The following MAD1L1 variants were observed in gnomAD, a reference collection of about 807,000 sequenced individuals.
MAD1L1 encodes mitotic arrest deficient 1 like 1.
MAD1L1 carries 95 observed loss-of-function variants against 96.9 expected under a neutral mutation model. The observed-to-expected ratio is 0.98, with a 90% CI of 0.83 to 1.16. The LOEUF is 1.16. Among genes scored for constraint, MAD1L1 ranks in the 50% most tolerant of loss-of-function variants. The pLI is 0.00. For synonymous variants in MAD1L1, 473 were observed against 396.6 expected (o/e 1.19, Z -2.29); for missense variants, 1,007 against 954.4 (o/e 1.06, Z -0.73).
At chr7:1,819,412 C>A (rs190958651) in intron 18 of MAD1L1, among the ~76,000 whole-genome samples, 1 of 152,232 alleles carries the variant, frequency 6.6e-6, no homozygotes, top group African/African-American at 2.4e-5. Context: ...TGAAGACACT[C>A]GCGGCGTCCA....
At position 2,119,827 on chromosome 7, in the gene MAD1L1, T is replaced by C. The variant is rs1325331857; in HGVS notation, c.1073+29325A>G. On this transcript the variant is annotated intron_variant, in intron 11 of 18. Coordinates refer to ENST00000265854, the MANE Select transcript of MAD1L1 (RefSeq NM_001013836.2). The surrounding 1 kb of genome is among the most constrained non-coding windows in gnomAD (Gnocchi z 4.6). ...CGACAACTGTTCCAGACCCCTAGGCTCTTTCCTGCTGGCTCCTCGCTGGGG... is the reference window on the plus strand; with the variant it reads ...CGACAACTGTTCCAGACCCCTAGGCCCTTTCCTGCTGGCTCCTCGCTGGGG... 6.6e-6 allele frequency among the ~76,000 whole-genome samples: 1 copy of C among 152,114 alleles called. No individual in the cohort carries two copies. The highest frequency in any genetic ancestry group is 1.5e-5 in the Non-Finnish European group (1 of 68,006).
intron 18 of MAD1L1, among the ~76,000 whole-genome samples, chr7:1,878,212 G>C (rs1785484835): frequency 6.6e-6 from 1 of 151,834 alleles, no homozygotes; most frequent in South Asian, 2.1e-4. Flanking sequence ...GCCAAGCCCA[G>C]ATGACCTCAC....
chr7:2,216,011 A>G lies in MAD1L1; in HGVS notation c.810-12T>C. ...TCTCTCTCATCTCCCTGGCAGTGCC[A>G]CAAAGAGTCGCTCAAATAGCCACAC... On this transcript the variant is annotated splice_polypyrimidine_tract_variant and intron_variant, in intron 8 of 18. Transcript: ENST00000265854. 6.2e-7 allele frequency: 1 copy of G among 1,613,698 alleles called. No individual in the cohort carries two copies. The highest frequency in any genetic ancestry group is 8.5e-7 in the Non-Finnish European group (1 of 1,179,780).
At chr7:2,218,181 G>C in intron 6 of MAD1L1, 138 bp from the exon 7 acceptor site, 1 of 657,254 alleles carries the variant, frequency 1.5e-6, no homozygotes, top group Non-Finnish European at 2.7e-6. Flanking sequence ...CCACGGCACA[G>C]ACCCCCCGCC....
At chr7:1,958,038 G>A (rs1779802423) in intron 15 of MAD1L1, among the ~76,000 whole-genome samples, 2 of 152,206 alleles carry the variant, frequency 1.3e-5, no homozygotes, top group South Asian at 2.1e-4. Flanking sequence ...GAGTCAGTGT[G>A]TCCGTGTCCG....
intron 14 of MAD1L1, among the ~76,000 whole-genome samples, chr7:2,001,497 C>G (rs1047999802): frequency 1.3e-5 from 2 of 152,384 alleles, no homozygotes; most frequent in East Asian, 1.9e-4. Flanking sequence ...GCGGGCCCCC[C>G]ACCCAGGCTC....
intron 3 of MAD1L1, among the ~76,000 whole-genome samples, chr7:2,228,621 C>T (rs1417531182): frequency 6.7e-6 from 1 of 149,442 alleles, no homozygotes; most frequent in Non-Finnish European, 1.5e-5. Context: ...CATAATTTCA[C>T]AAAAGAACAT....
chr7:1,954,011 C>T (rs952585421), intron 16 of MAD1L1, among the ~76,000 whole-genome samples: 4 of 152,070 alleles, frequency 2.6e-5, no homozygotes, highest in African/African-American at 4.8e-5. Flanking sequence ...CTGTGAGCCC[C>T]GACTAGCCTC....
intron 18 of MAD1L1, among the ~76,000 whole-genome samples, chr7:1,888,433 GCTGC>G (rs1417331884): frequency 8.8e-6 from 1 of 113,570 alleles, no homozygotes; most frequent in East Asian, 2.5e-4. Context: ...CATGCATGTG[GCTGC>G]CTGTACATGT....
intron 18 of MAD1L1, among the ~76,000 whole-genome samples, chr7:1,863,373 C>T (rs988654528): frequency 6.6e-6 from 1 of 152,240 alleles, no homozygotes; most frequent in Admixed American, 6.5e-5. Context: ...TACCGGCAGG[C>T]CCGGGGCCAG....
intron 17 of MAD1L1, among the ~76,000 whole-genome samples, chr7:1,917,566 A>G (rs546506073): frequency 1.4e-3 from 209 of 152,360 alleles, no homozygotes; most frequent in Admixed American, 3.3e-3. Context: ...GTTTAAATGC[A>G]ACTGTGAAGA....
intron 14 of MAD1L1, among the ~76,000 whole-genome samples, chr7:1,987,796 C>T (rs921034560): frequency 5.3e-5 from 8 of 152,214 alleles, no homozygotes; most frequent in Non-Finnish European, 1.2e-4. Context: ...GGGCACAGGC[C>T]CGGGGCAGCA....
intron 18 of MAD1L1, among the ~76,000 whole-genome samples, chr7:1,871,861 G>T (rs1011022106): frequency 4.6e-5 from 7 of 152,226 alleles, no homozygotes; most frequent in African/African-American, 1.7e-4. Flanking sequence ...ATGTGGAGGG[G>T]ACATGGAGGG....
chr7:2,094,670 A>C (rs10261113), intron 11 of MAD1L1, among the ~76,000 whole-genome samples: 2 of 137,320 alleles, frequency 1.5e-5, no homozygotes, highest in African/African-American at 6.2e-5. Flanking sequence ...CTGGCAGGTG[A>C]GAAGGCCCCG....
intron 11 of MAD1L1, among the ~76,000 whole-genome samples, chr7:2,102,594 G>C (rs935320384): frequency 6.6e-6 from 1 of 150,564 alleles, no homozygotes; most frequent in Non-Finnish European, 1.5e-5. Context: ...CATCACCACT[G>C]TCACCATCGG....
intron 18 of MAD1L1, among the ~76,000 whole-genome samples, chr7:1,895,283 C>T (rs1341397249): frequency 6.6e-6 from 1 of 152,218 alleles, no homozygotes; most frequent in Non-Finnish European, 1.5e-5. Flanking sequence ...GTGCCAGGAA[C>T]ATGGCCCCAC....
At chr7:1,955,188 C>G (rs548114222) in intron 16 of MAD1L1, among the ~76,000 whole-genome samples, 3 of 152,260 alleles carry the variant, frequency 2.0e-5, no homozygotes, top group Non-Finnish European at 2.9e-5. Flanking sequence ...CCAATTAAGT[C>G]AGACTGCAGC....
chr7:2,099,651 T>C (rs73038441), intron 11 of MAD1L1, among the ~76,000 whole-genome samples: 45,551 of 151,896 alleles, frequency 0.3, 8,364 homozygotes, highest in East Asian at 0.51. Flanking sequence ...CACTGGGAGA[T>C]TCATTTCTCT....
chr7:2,097,161 G>A (rs994764784), intron 11 of MAD1L1, among the ~76,000 whole-genome samples: 2 of 151,370 alleles, frequency 1.3e-5, no homozygotes, highest in South Asian at 2.1e-4. Flanking sequence ...CACCCTACTC[G>A]GCTCCACCAC....
Sources: allele counts gnomAD v4.1 joint callset (sites outside exome capture counted in the v4.1 genomes callset), GRCh38; gene constraint gnomAD v4.1.1; non-coding constraint Gnocchi (gnomAD v3.1); transcripts MANE v1.5; gene names NCBI Gene and HGNC (gene_info 2026-07-23, HGNC 2026-07-21).